Variants in TMLHE observed in about 807,000 individuals in gnomAD.
TMLHE encodes trimethyllysine dioxygenase, mitochondrial.
In TMLHE, 18 loss-of-function variants were observed where a neutral mutation model predicts 25.7. The ratio of observed to expected loss-of-function variants is 0.70; its 90% CI spans 0.48 to 1.04. The LOEUF (loss-of-function observed/expected upper bound fraction) is 1.04, where lower values mean the gene tolerates loss of function less well. Among genes scored for constraint, TMLHE ranks in the 50% least tolerant of loss-of-function variants. The pLI is 0.00. For synonymous variants in TMLHE, 105 were observed against 97.0 expected (o/e 1.08, Z -0.49); for missense variants, 236 against 259.0 (o/e 0.91, Z 0.61).
At chrX:155,533,379 GCACACA>G in intron 2 of TMLHE, among the ~76,000 whole-genome samples, 1 of 108,174 alleles carries the variant, frequency 9.2e-6, no homozygotes, top group African/African-American at 3.4e-5. Context: ...ACGTGCACAC[GCACACA>G]CACACACACA....
At chrX:155,524,193 ATAG>A in intron 3 of TMLHE, 1 of 257,574 alleles carries the variant, frequency 3.9e-6, no homozygotes, top group Non-Finnish European at 6.9e-6. Flanking sequence ...ATGTTAAATA[ATAG>A]TGGTAAGAAT....
intron 6 of TMLHE, among the ~76,000 whole-genome samples, chrX:155,505,493 C>G (rs2067071025): frequency 1.8e-5 from 2 of 111,037 alleles, no homozygotes; most frequent in South Asian, 7.5e-4. Flanking sequence ...ATTATTGTAA[C>G]TGGAAACTCA....
chrX:155,560,119 C>A (rs782152236), intron 1 of TMLHE, among the ~76,000 whole-genome samples: 1 of 112,085 alleles, frequency 8.9e-6, no homozygotes, highest in Admixed American at 9.4e-5. Flanking sequence ...TGAGCCATCT[C>A]TTTACAATTG....
At chrX:155,535,020 G>C (rs1230929902) in intron 2 of TMLHE, among the ~76,000 whole-genome samples, 1 of 111,911 alleles carries the variant, frequency 8.9e-6, no homozygotes, top group African/African-American at 3.3e-5. Flanking sequence ...AGAAGGCAGA[G>C]GGCAGCCTTC....
intron 1 of TMLHE, among the ~76,000 whole-genome samples, chrX:155,547,262 A>C (rs931983009): frequency 2.2e-5 from 2 of 88,934 alleles, no homozygotes; most frequent in African/African-American, 3.8e-5. Flanking sequence ...CTCCTGCCTC[A>C]GCCTCCCGAG....
chrX:155,547,245 C>T lies in TMLHE; in HGVS notation c.-1-1968G>A, dbSNP rs5983721. ...CTGCAAGCTCCGCCTCCCGGGTTCA[C>T]GCCATTCTCCTGCCTCAGCCTCCCG... is the stretch of plus-strand genomic sequence containing the variant. On this transcript the variant is annotated intron_variant, in intron 1 of 7. Transcript: ENST00000334398. Among the ~76,000 whole-genome samples, 160 of 91,203 alleles carry T rather than the reference C, an allele frequency of 1.8e-3. 4 individuals carry two copies. The highest frequency in any genetic ancestry group is 5.6e-3 in the African/African-American group (151 of 27,019). 79.2% of individuals were successfully genotyped at this position (91,203 alleles called of 115,157 possible). A position where few individuals can be genotyped will look rare whatever the true frequency, so the allele number is the denominator to read the frequency against.
chrX:155,593,840 GA>G (rs200543071), intron 1 of TMLHE, among the ~76,000 whole-genome samples: 16 of 100,896 alleles, frequency 1.6e-4, no homozygotes, highest in Non-Finnish European at 2.7e-4. Context: ...ATAAATCCAA[GA>G]AAAAAAAAAC....
chrX:155,527,612 G>T (rs1202144494), intron 2 of TMLHE, among the ~76,000 whole-genome samples: 1 of 111,179 alleles, frequency 9.0e-6, no homozygotes. Flanking sequence ...CTATACATCA[G>T]GTTACTCATT....
intron 2 of TMLHE, among the ~76,000 whole-genome samples, chrX:155,533,281 C>A (rs1247862716): frequency 9.0e-6 from 1 of 111,598 alleles, no homozygotes; most frequent in Non-Finnish European, 1.9e-5. Context: ...TCCTGGGTCT[C>A]AAGCTTATGG....
At position 155,509,845 on chromosome X, in the gene TMLHE, GA is replaced by G. The variant is rs1230520558; in HGVS notation, c.758+1827del. Among the ~76,000 whole-genome samples, 3 of 111,720 alleles carry G rather than the reference GA, an allele frequency of 2.7e-5. 1 individual carries two copies. The highest frequency in any genetic ancestry group is 5.7e-5 in the Non-Finnish European group (3 of 53,074). ...GTCTCAGGCTCACCATCTAAATGCA[GA>G]AGCAAGATCAAGAACACGGAATAAC... On this transcript the variant is annotated intron_variant, in intron 5 of 7. Transcript: ENST00000334398.
In TMLHE at chrX:155,507,179, C is replaced by A. The variant is rs781861306; in HGVS notation, c.759-45G>T. ...TTCTTCTGTTCAGTGGAAGAGAGAA[C>A]ATATCAAAATTCTAGAAATTATATA... On this transcript the variant is annotated intron_variant, in intron 5 of 7. Transcript: ENST00000334398. The A allele has an allele frequency of 6.9e-6, 6 of 867,844 alleles. No homozygotes were observed. The African/African-American group carries it at 1.2e-4, about 18-fold the overall frequency. 71.5% of individuals were successfully genotyped at this position (867,844 alleles called of 1,213,427 possible).
Position 155,555,047 on chromosome X carries a change from A to G in TMLHE, c.-1-9770T>C. Among the ~76,000 whole-genome samples, 2 of 109,666 alleles carry G rather than the reference A, an allele frequency of 1.8e-5. 1 individual carries two copies. Among genetic ancestry groups the G allele is most frequent in the Non-Finnish European group, 3.8e-5 (2 of 52,637 alleles). On this transcript the variant is annotated intron_variant, in intron 1 of 7. Transcript: ENST00000334398. ...CCCTTCCCCAGCTCCCCACCCCCTG[A>G]CAGGCCCCAGTGTGTGATGTTCCCC...
At chrX:155,562,966 A>G (rs1749402751) in intron 1 of TMLHE, among the ~76,000 whole-genome samples, 1 of 62,264 alleles carries the variant, frequency 1.6e-5, no homozygotes, top group Non-Finnish European at 4.5e-5. Flanking sequence ...CACTATCAGC[A>G]TTTTGGTCAA....
intron 1 of TMLHE, among the ~76,000 whole-genome samples, chrX:155,547,311 AT>A (rs1479485138): frequency 9.9e-6 from 1 of 100,865 alleles, no homozygotes; most frequent in Admixed American, 1.1e-4. Flanking sequence ...CGCCCGGCTA[AT>A]TTTTTGTATT....
At chrX:155,565,627 T>TCA (rs782670052) in intron 1 of TMLHE, among the ~76,000 whole-genome samples, 4 of 60,350 alleles carry the variant, frequency 6.6e-5, no homozygotes, top group African/African-American at 1.1e-4. Flanking sequence ...CAATCCACAG[T>TCA]CACACACACA....
chrX:155,548,540 C>G (rs1178355186), intron 1 of TMLHE, among the ~76,000 whole-genome samples: 4 of 107,878 alleles, frequency 3.7e-5, no homozygotes, highest in Non-Finnish European at 7.6e-5. Context: ...ATGAGGCCAG[C>G]CTGACTAACA....
chrX:155,544,985 ATG>A (rs1381412245), intron 2 of TMLHE, 109 bp downstream of exon 2: 3 of 810,652 alleles, frequency 3.7e-6, no homozygotes, highest in Non-Finnish European at 5.4e-6. Flanking sequence ...ATTTTGTACT[ATG>A]TGTTTTCTTA....
chrX:155,608,510 G>A (rs1557348055), intron 1 of TMLHE, among the ~76,000 whole-genome samples: 1 of 111,963 alleles, frequency 8.9e-6, no homozygotes, highest in Non-Finnish European at 1.9e-5. Flanking sequence ...AATATTTCAT[G>A]ACAAAGACAT....
intron 4 of TMLHE, among the ~76,000 whole-genome samples, chrX:155,512,300 A>G (rs374417163): frequency 0.089 from 9,260 of 104,144 alleles, 782 homozygotes; most frequent in African/African-American, 0.24. Context: ...TATATCTCCC[A>G]ATGCTATCCC....
Sources: allele counts gnomAD v4.1 joint callset (sites outside exome capture counted in the v4.1 genomes callset), GRCh38; gene constraint gnomAD v4.1.1; transcripts MANE v1.5; gene names NCBI Gene and HGNC (gene_info 2026-07-23, HGNC 2026-07-21).